The following LDLRAD4 variants were observed in gnomAD, a reference collection of about 807,000 sequenced individuals.
LDLRAD4 encodes the protein low density lipoprotein receptor class A domain containing 4.
In LDLRAD4, 5 loss-of-function variants were observed where a neutral mutation model predicts 17.0. The observed-to-expected ratio is 0.29, with a 90% confidence interval of 0.15 to 0.62. LDLRAD4 has a LOEUF of 0.62. Ranked by LOEUF, LDLRAD4 falls within the 20% of genes least tolerant of loss-of-function variation. The pLI is 0.84. For synonymous variants in LDLRAD4, 168 were observed against 171.8 expected, an observed-to-expected ratio of 0.98 and a Z score of 0.17; for missense variants, 340 against 424.7, an observed-to-expected ratio of 0.80 and a Z score of 1.75.
chr18:13,617,719 AAC>A (rs1393437479), intron 3 of LDLRAD4, among the ~76,000 whole-genome samples: 4 of 152,358 alleles, frequency 2.6e-5, no homozygotes, highest in African/African-American at 7.2e-5. Context: ...GAAAAAGAGA[AAC>A]ACAAATTACC....
At chr18:13,292,899 C>A (rs535969932) in intron 1 of LDLRAD4, among the ~76,000 whole-genome samples, 1 of 152,276 alleles carries the variant, frequency 6.6e-6, no homozygotes, top group Admixed American at 6.5e-5. Context: ...GTTTTCCAAC[C>A]CCGGGGATGC....
intron 3 of LDLRAD4, among the ~76,000 whole-genome samples, chr18:13,558,914 C>A (rs941032990): frequency 3.3e-5 from 5 of 151,016 alleles, no homozygotes; most frequent in African/African-American, 9.8e-5. Context: ...AGCAAGTCAT[C>A]GGGGGCCACC....
At chr18:13,248,583 T>G (rs57972550) in intron 1 of LDLRAD4, among the ~76,000 whole-genome samples, 10,277 of 152,326 alleles carry the variant, frequency 0.067, 798 homozygotes, top group African/African-American at 0.19. Flanking sequence ...CTTAGTGTTT[T>G]TAAGTGTTAA....
Position 13,355,239 on chromosome 18 carries a change from T to A in LDLRAD4, c.-382-32102T>A, listed in dbSNP as rs2083270379. ...TTTAAATCCAAGCTTGGAGTGAAAC[T>A]TTGGCACCCTGACAGTGCTTATAAC... On this transcript the variant is annotated intron_variant, in intron 1 of 5. Coordinates refer to ENST00000359446, the Ensembl canonical transcript of LDLRAD4. 2.0e-5 allele frequency among the ~76,000 whole-genome samples: 3 copies of A among 152,216 alleles called. No individual in the cohort carries two copies. The South Asian group carries it at 6.2e-4, about 31-fold the overall frequency.
At chr18:13,550,061 G>C (rs1391290369) in intron 3 of LDLRAD4, among the ~76,000 whole-genome samples, 1 of 152,162 alleles carries the variant, frequency 6.6e-6, no homozygotes, top group South Asian at 2.1e-4. Flanking sequence ...CATTGGCCAC[G>C]TGCCCACACA....
chr18:13,282,565 G>T (rs147783165), intron 1 of LDLRAD4, among the ~76,000 whole-genome samples: 413 of 152,330 alleles, frequency 2.7e-3, no homozygotes, highest in Middle Eastern at 0.01. Context: ...TTGATCCCAG[G>T]TCTCACATCC....
intron 3 of LDLRAD4, among the ~76,000 whole-genome samples, chr18:13,564,669 C>T (rs999461370): frequency 4.0e-5 from 6 of 148,660 alleles, no homozygotes; most frequent in East Asian, 3.9e-4. Context: ...GGTGAGGGTG[C>T]GCAGACCCAC....
chr18:13,524,696 G>A (rs1016565994), intron 3 of LDLRAD4, among the ~76,000 whole-genome samples: 33 of 152,144 alleles, frequency 2.2e-4, no homozygotes, highest in African/African-American at 7.0e-4. Flanking sequence ...AGCAAAAGCC[G>A]AGACAACCAG....
At chr18:13,569,813 A>G (rs1236739912) in intron 3 of LDLRAD4, among the ~76,000 whole-genome samples, 1 of 152,226 alleles carries the variant, frequency 6.6e-6, no homozygotes, top group African/African-American at 2.4e-5. Context: ...TGAACCCGGA[A>G]GGCAGAGGTT....
intron 1 of LDLRAD4, among the ~76,000 whole-genome samples, chr18:13,350,846 A>G (rs898397543): frequency 6.6e-6 from 1 of 152,250 alleles, no homozygotes; most frequent in Non-Finnish European, 1.5e-5. Context: ...TTTTCTGAAT[A>G]TAGCTAGCCA....
At chr18:13,428,480 A>T (rs2090103466) in intron 2 of LDLRAD4, among the ~76,000 whole-genome samples, 1 of 152,160 alleles carries the variant, frequency 6.6e-6, no homozygotes, top group Non-Finnish European at 1.5e-5. Context: ...CAAGTTCATT[A>T]TGAGGACTTG....
chr18:13,282,625 C>T (rs979659756), intron 1 of LDLRAD4, among the ~76,000 whole-genome samples: 3 of 152,244 alleles, frequency 2.0e-5, no homozygotes, highest in African/African-American at 2.4e-5. Flanking sequence ...GGCAGCTCCA[C>T]TCCTGTGGCT....
chr18:13,443,699 G>GTCC (rs1001491664), intron 3 of LDLRAD4, among the ~76,000 whole-genome samples: 1 of 149,816 alleles, frequency 6.7e-6, no homozygotes, highest in Non-Finnish European at 1.5e-5. Flanking sequence ...TCCTGTCGTC[G>GTCC]TCGTCGTCGT....
chr18:13,227,304 T>C lies in LDLRAD4; in HGVS notation c.-467+8316T>C, dbSNP rs79011665. Reference sequence around the variant, plus strand: ...TGATGAACTAATTAAAGACAGTCTTTCATTGAGGGGTTGGAAGCAGCTGGA... The same window carrying C: ...TGATGAACTAATTAAAGACAGTCTTCCATTGAGGGGTTGGAAGCAGCTGGA... On this transcript the variant is annotated intron_variant, in intron 1 of 5. Transcript: ENST00000399848. Among the ~76,000 whole-genome samples the C allele has an allele frequency of 5.2e-3, 785 of 152,274 alleles. 5 individuals carry two copies. Among genetic ancestry groups the C allele is most frequent in the Non-Finnish European group, 8.5e-3 (578 of 68,022 alleles).
chr18:13,427,593 T>C (rs1362944250), intron 2 of LDLRAD4: 1 of 152,262 alleles, frequency 6.6e-6, no homozygotes, highest in Non-Finnish European at 1.5e-5. Flanking sequence ...CAATGGATTT[T>C]CTCTCCAAAA....
At chr18:13,412,656 A>G (rs1371277124) in intron 2 of LDLRAD4, among the ~76,000 whole-genome samples, 2 of 152,184 alleles carry the variant, frequency 1.3e-5, no homozygotes, top group Admixed American at 6.6e-5. Flanking sequence ...AACTAGCTAT[A>G]TAATTACGGT....
intron 2 of LDLRAD4, among the ~76,000 whole-genome samples, chr18:13,418,425 G>A (rs1009859976): frequency 5.9e-5 from 9 of 152,232 alleles, no homozygotes; most frequent in South Asian, 2.1e-4. Flanking sequence ...CTTCCGGGTC[G>A]TTCTTCCTGC....
chr18:13,247,837 G>A (rs2043032225), intron 1 of LDLRAD4, among the ~76,000 whole-genome samples: 1 of 152,116 alleles, frequency 6.6e-6, no homozygotes, highest in Non-Finnish European at 1.5e-5. Flanking sequence ...ATAGGCCACG[G>A]GATTTGCTGG....
intron 2 of LDLRAD4, among the ~76,000 whole-genome samples, chr18:13,409,277 G>A (rs1360561355): frequency 6.6e-6 from 1 of 152,216 alleles, no homozygotes; most frequent in Non-Finnish European, 1.5e-5. Context: ...GAAGGGGTGG[G>A]TAGGCTGCTG....
Sources: gnomAD v4.1 joint callset for allele counts (sites outside exome capture counted in the v4.1 genomes callset) on GRCh38, gnomAD v4.1.1 for gene constraint, MANE v1.5 for transcripts, NCBI Gene and HGNC (gene_info 2026-07-23, HGNC 2026-07-21) for gene names.